Variants in PPARG observed in about 807,000 individuals in gnomAD.
The protein encoded by PPARG is peroxisome proliferator activated receptor gamma.
A neutral mutation model predicts 39.2 loss-of-function variants in PPARG; 17 were observed. The ratio of observed to expected loss-of-function variants is 0.43; its 90% confidence interval spans 0.30 to 0.65. The LOEUF is 0.65. PPARG is among the 30% of genes least tolerant of loss of function. The probability of loss-of-function intolerance (pLI) is 0.13; values close to 1 mark genes in which losing one functional copy is unlikely to be tolerated. For missense variants in PPARG, 406 were observed against 585.9 expected (o/e 0.69, Z 3.17); for synonymous variants, 223 against 215.7 (o/e 1.03, Z -0.30).
At chr3:12,395,232 C>T (rs556504250) in intron 5 of PPARG, among the ~76,000 whole-genome samples, 3 of 152,302 alleles carry the variant, frequency 2.0e-5, no homozygotes, top group Admixed American at 1.3e-4. Context: ...CCAGCTATTC[C>T]GTGTCTTACA....
intron 5 of PPARG, chr3:12,399,206 C>T (rs114307890): frequency 5.2e-6 from 2 of 381,568 alleles, no homozygotes; most frequent in African/African-American, 2.1e-5. Context: ...AGAAGGTGAG[C>T]TGGTGGTGTT....
chr3:12,360,730 T>C (rs1455546701), intron 2 of PPARG, among the ~76,000 whole-genome samples: 1 of 152,228 alleles, frequency 6.6e-6, no homozygotes, highest in Admixed American at 6.5e-5. Flanking sequence ...TGCTTAGCAT[T>C]TATTCGTGAG....
intron 2 of PPARG, among the ~76,000 whole-genome samples, chr3:12,331,441 A>C (rs1468869323): frequency 6.6e-6 from 1 of 152,214 alleles, no homozygotes; most frequent in Non-Finnish European, 1.5e-5. Flanking sequence ...TTAAATGGAG[A>C]AAAGGAATCC....
In PPARG at chr3:12,370,073, T is replaced by C. The variant is rs942394710; in HGVS notation, c.-8-9631T>C. The stretch of plus-strand genomic sequence containing the variant: ...TCTTCTTGGTTCTGGTGGAGAACTC[T>C]GGGAAAGAGTACGTGGGAGGTAACT... On this transcript the variant is annotated intron_variant, in intron 2 of 7. Coordinates refer to ENST00000651735, the MANE Select transcript of PPARG (RefSeq NM_138711.6). 3.9e-4 allele frequency among the ~76,000 whole-genome samples: 59 copies of C among 152,148 alleles called. 1 individual carries two copies. The highest frequency in any genetic ancestry group is 1.3e-3 in the African/African-American group (53 of 41,416).
intron 4 of PPARG, among the ~76,000 whole-genome samples, chr3:12,385,985 G>A (rs945867829): frequency 3.3e-5 from 5 of 152,132 alleles, no homozygotes; most frequent in Non-Finnish European, 7.4e-5. Flanking sequence ...CTTTCTAGCA[G>A]ACAAATGTGC....
chr3:12,416,667 C>A, intron 6 of PPARG, 37 bp from the exon 7 acceptor site: 2 of 1,585,154 alleles, frequency 1.3e-6, no homozygotes, highest in South Asian at 2.3e-5. Context: ...AGTTAGAAAT[C>A]TCCAAGTCAT....
chr3:12,341,926 AG>A (rs1219042619), intron 2 of PPARG, among the ~76,000 whole-genome samples: 2 of 152,242 alleles, frequency 1.3e-5, no homozygotes, highest in African/African-American at 4.8e-5. Context: ...TTACACCTTT[AG>A]GTGAATGATT....
intron 2 of PPARG, among the ~76,000 whole-genome samples, chr3:12,349,077 A>C (rs2125088157): frequency 6.6e-6 from 1 of 152,270 alleles, no homozygotes. Flanking sequence ...ATGCCAATTG[A>C]CCTTCAAGTT....
chr3:12,369,016 T>G (rs2049117552), intron 2 of PPARG, among the ~76,000 whole-genome samples: 1 of 152,162 alleles, frequency 6.6e-6, no homozygotes. Context: ...ATATTATAAT[T>G]AAAAGATAGT....
intron 1 of PPARG, among the ~76,000 whole-genome samples, chr3:12,308,343 C>T: frequency 5.4e-5 from 2 of 37,294 alleles, no homozygotes; most frequent in South Asian, 3.2e-3. Context: ...GACCCTGTCT[C>T]AAAAAAAAAA....
intron 2 of PPARG, among the ~76,000 whole-genome samples, chr3:12,363,234 T>C (rs1416428616): frequency 6.6e-6 from 1 of 152,222 alleles, no homozygotes; most frequent in African/African-American, 2.4e-5. Flanking sequence ...ATATTTTTTA[T>C]AGTGCTCAGG....
intron 2 of PPARG, among the ~76,000 whole-genome samples, chr3:12,344,053 G>A: frequency 6.6e-6 from 1 of 151,304 alleles, no homozygotes; most frequent in African/African-American, 2.4e-5. Context: ...TAGAGACAGG[G>A]TTTCGCCATG....
Position 12,433,897 on chromosome 3 carries a change from G to C in PPARG, c.1181-1G>C. On this transcript the variant is annotated splice_acceptor_variant, in intron 7 of 7. Coordinates refer to ENST00000651735, the MANE Select transcript of PPARG (RefSeq NM_138711.6). LOFTEE classifies it high-confidence loss of function. ...TGTGTTTTCCATATGTGCTTCCCCA[G>C]ACCGCCCAGGTTTGCTGAATGTGAA... The C allele has an allele frequency of 6.2e-7, 1 of 1,614,040 alleles. No homozygotes were observed. Among genetic ancestry groups the C allele is most frequent in the Non-Finnish European group, 8.5e-7 (1 of 1,180,034 alleles).
chr3:12,372,115 C>T lies in PPARG; in HGVS notation c.-8-7589C>T, dbSNP rs774232294. 25 of 720,912 alleles carry T rather than the reference C, an allele frequency of 3.5e-5. 1 individual carries two copies. Among genetic ancestry groups the T allele is most frequent in the South Asian group, 2.8e-4 (19 of 68,002 alleles). The allele number at this position is 720,912 out of a possible 1,614,324, so 44.7% of individuals were successfully genotyped here. ...GGACCTATGAAAGGCTTTTCAGGCA[C>T]GTACTCTTGTTGCCTAGCTGAACAC... On this transcript the variant is annotated intron_variant, in intron 2 of 7. Coordinates refer to ENST00000651735, the MANE Select transcript of PPARG (RefSeq NM_138711.6).
intron 6 of PPARG, chr3:12,406,354 G>A (rs895160172): frequency 6.9e-6 from 3 of 434,012 alleles, no homozygotes; most frequent in African/African-American, 2.0e-5. Flanking sequence ...ATGAACTTAA[G>A]CCCCCTGAGC....
chr3:12,299,316 AAG>A (rs1338280308), intron 1 of PPARG, among the ~76,000 whole-genome samples: 3 of 152,140 alleles, frequency 2.0e-5, no homozygotes, highest in Non-Finnish European at 2.9e-5. Context: ...GACGGTGACT[AAG>A]AGGGGGTGAA....
At chr3:12,411,687 T>G (rs1056047062) in intron 6 of PPARG, among the ~76,000 whole-genome samples, 2 of 152,136 alleles carry the variant, frequency 1.3e-5, no homozygotes, top group East Asian at 3.9e-4. Flanking sequence ...GTTTATCCAT[T>G]AGTCAGAGAA....
At chr3:12,355,017 GGCC>G (rs1344974765) in intron 2 of PPARG, among the ~76,000 whole-genome samples, 2 of 152,012 alleles carry the variant, frequency 1.3e-5, no homozygotes, top group Non-Finnish European at 2.9e-5. Context: ...TTATTCTTTG[GGCC>G]TAAATAAAAG....
chr3:12,384,698 A>G (rs1053338522), intron 4 of PPARG, among the ~76,000 whole-genome samples: 3 of 152,130 alleles, frequency 2.0e-5, no homozygotes, highest in Non-Finnish European at 4.4e-5. Flanking sequence ...AGTTGAAACT[A>G]TATTCATAAT....
Sources: allele counts gnomAD v4.1 joint callset (sites outside exome capture counted in the v4.1 genomes callset), GRCh38; gene constraint gnomAD v4.1.1; transcripts MANE v1.5; gene names NCBI Gene and HGNC (gene_info 2026-07-23, HGNC 2026-07-21).